CDH8: variants seen among roughly 807,000 people sequenced by gnomAD.
CDH8 encodes the protein cadherin 8, also known as cadherin-8.
CDH8 carries 17 observed loss-of-function variants against 68.1 expected under a neutral mutation model. That is an observed-to-expected ratio of 0.25 (90% confidence interval 0.17 to 0.37). CDH8 has a LOEUF of 0.37. CDH8 is among the 10% of genes least tolerant of loss of function. The probability of loss-of-function intolerance (pLI) is 1.00; values close to 1 mark genes in which losing one functional copy is unlikely to be tolerated. For synonymous variants in CDH8, 372 were observed against 365.1 expected (o/e 1.02, Z -0.21); for missense variants, 763 against 999.3 (o/e 0.76, Z 3.19).
intron 2 of CDH8, among the ~76,000 whole-genome samples, chr16:61,957,506 G>A (rs192529899): frequency 4.0e-4 from 61 of 152,172 alleles, no homozygotes; most frequent in Middle Eastern, 3.4e-3. Context: ...ATAGCCATTC[G>A]GCTCAGGTAC....
intron 11 of CDH8, 67 bp downstream of exon 11, chr16:61,655,403 G>GGTC: frequency 8.3e-6 from 12 of 1,441,802 alleles, no homozygotes; most frequent in South Asian, 5.7e-5. Flanking sequence ...AGAGTTTTCT[G>GGTC]TCCTTATTTA....
At position 61,652,018 on chromosome 16, in the gene CDH8, T is replaced by C. The variant is rs912981991; in HGVS notation, c.*1590A>G. 1 of 823,912 alleles carries C rather than the reference T, an allele frequency of 1.2e-6. No homozygotes were observed. The highest frequency in any genetic ancestry group is 1.5e-6 in the Non-Finnish European group (1 of 682,936). 51.0% of individuals were successfully genotyped at this position (823,912 alleles called of 1,614,324 possible). The stretch of plus-strand genomic sequence containing the variant: ...AAATTAATGACAACAAAGGTATTTA[T>C]AAAAATATATTTCACAAAGTAGGAA... On this transcript the variant is annotated 3_prime_UTR_variant, in exon 12 of 12. Coordinates refer to ENST00000577390, the MANE Select transcript of CDH8 (RefSeq NM_001796.5).
In CDH8 at chr16:61,957,318, GTCTA is replaced by G. The variant is rs141125123; in HGVS notation, c.253-55849_253-55846del. On this transcript the variant is annotated intron_variant, in intron 2 of 11. Transcript: ENST00000577390. ...AAATGTCTAAGCAAGACCACCTACA[GTCTA>G]TCTGATTGTTCCCTTCAAGGAAGCC... 8.1e-3 allele frequency among the ~76,000 whole-genome samples: 1,232 copies of G among 152,218 alleles called. 13 individuals are homozygous for G. The highest frequency in any genetic ancestry group is 0.027 in the Middle Eastern group (8 of 294).
chr16:61,869,593 G>T (rs985443646), intron 3 of CDH8, among the ~76,000 whole-genome samples: 2 of 151,946 alleles, frequency 1.3e-5, no homozygotes, highest in African/African-American at 4.8e-5. Flanking sequence ...TACAAAATTG[G>T]GTTTCATTTG....
chr16:61,996,000 T>A (rs758209043), intron 2 of CDH8, among the ~76,000 whole-genome samples: 1 of 152,190 alleles, frequency 6.6e-6, no homozygotes, highest in Non-Finnish European at 1.5e-5. Context: ...TGTTTTTAAA[T>A]CATGCTGAAA....
In CDH8 at chr16:62,002,930, G is replaced by C. The variant is rs573710194; in HGVS notation, c.252+18222C>G. 4.6e-5 allele frequency among the ~76,000 whole-genome samples: 7 copies of C among 152,294 alleles called. No homozygotes were observed. In the East Asian group the frequency reaches 1.2e-3, roughly 25 times the overall value. On this transcript the variant is annotated intron_variant, in intron 2 of 11. Coordinates refer to ENST00000577390, the MANE Select transcript of CDH8 (RefSeq NM_001796.5). ...TAGCTGGGCGTGGCGGCAGGCACCT[G>C]TAGTCCCAACTACTCGGGAAGCTGA...
At chr16:61,767,318 T>A (rs1456753046) in intron 8 of CDH8, among the ~76,000 whole-genome samples, 1 of 151,950 alleles carries the variant, frequency 6.6e-6, no homozygotes, top group Non-Finnish European at 1.5e-5. Context: ...AAGCACATTC[T>A]AATTATGAAT....
intron 7 of CDH8, among the ~76,000 whole-genome samples, chr16:61,807,914 G>C (rs566261575): frequency 6.6e-6 from 1 of 152,060 alleles, no homozygotes; most frequent in Non-Finnish European, 1.5e-5. Flanking sequence ...CTAACAAATG[G>C]CTTTCATTTC....
chr16:61,988,483 A>G (rs1965662915), intron 2 of CDH8, among the ~76,000 whole-genome samples: 1 of 152,302 alleles, frequency 6.6e-6, no homozygotes, highest in East Asian at 1.9e-4. Flanking sequence ...TAGTAATAAC[A>G]GTATAAAACC....
chr16:61,836,566 T>C (rs573426610), intron 4 of CDH8, among the ~76,000 whole-genome samples: 55 of 152,088 alleles, frequency 3.6e-4, no homozygotes, highest in African/African-American at 1.3e-3. Context: ...ACAGAGACAA[T>C]AATTGCTTCC....
intron 7 of CDH8, among the ~76,000 whole-genome samples, chr16:61,790,811 C>T (rs1961360137): frequency 6.6e-6 from 1 of 151,782 alleles, no homozygotes; most frequent in South Asian, 2.1e-4. Flanking sequence ...CCTATACCTA[C>T]CTATGAAGAT....
chr16:61,760,262 T>C (rs1960427312), intron 8 of CDH8, among the ~76,000 whole-genome samples: 1 of 151,876 alleles, frequency 6.6e-6, no homozygotes. Flanking sequence ...TGTTATGAGA[T>C]AAAATATATT....
intron 2 of CDH8, chr16:61,938,029 G>T (rs1033353702): frequency 3.9e-5 from 6 of 152,136 alleles, no homozygotes; most frequent in African/African-American, 1.4e-4. Context: ...TGCTTTAAAA[G>T]AGACAAATGG....
chr16:61,679,028 G>C (rs1170318722), intron 10 of CDH8, among the ~76,000 whole-genome samples: 1 of 152,054 alleles, frequency 6.6e-6, no homozygotes, highest in Non-Finnish European at 1.5e-5. Flanking sequence ...CAGTTGGACT[G>C]TACCCTTAGC....
chr16:61,936,025 C>T (rs185673849), intron 2 of CDH8, among the ~76,000 whole-genome samples: 1 of 152,212 alleles, frequency 6.6e-6, no homozygotes, highest in Admixed American at 6.5e-5. Flanking sequence ...TAGCTGTGTC[C>T]TTTAAAAAGT....
At chr16:61,728,340 C>T (rs1959436284) in intron 8 of CDH8, among the ~76,000 whole-genome samples, 1 of 150,662 alleles carries the variant, frequency 6.6e-6, no homozygotes, top group African/African-American at 2.4e-5. Flanking sequence ...TTGGTTTGCC[C>T]TGCTGGCTCT....
chr16:61,974,946 A>G (rs1392540136), intron 2 of CDH8, among the ~76,000 whole-genome samples: 1 of 152,204 alleles, frequency 6.6e-6, no homozygotes, highest in Non-Finnish European at 1.5e-5. Flanking sequence ...GTATTTTTAC[A>G]CTGAATGTGT....
At chr16:61,924,690 T>A (rs74948121) in intron 2 of CDH8, among the ~76,000 whole-genome samples, 6 of 151,986 alleles carry the variant, frequency 3.9e-5, no homozygotes, top group African/African-American at 4.8e-5. Flanking sequence ...TTTTTTTTTT[T>A]AAAAGAAACA....
intron 3 of CDH8, among the ~76,000 whole-genome samples, chr16:61,876,192 G>A (rs1963456672): frequency 1.3e-5 from 2 of 152,052 alleles, no homozygotes; most frequent in Non-Finnish European, 2.9e-5. Context: ...CTTTCTTTAG[G>A]ATGGTAAATT....
Sources: gnomAD v4.1 joint callset for allele counts (sites outside exome capture counted in the v4.1 genomes callset) on GRCh38, gnomAD v4.1.1 for gene constraint, MANE v1.5 for transcripts, NCBI Gene and HGNC (gene_info 2026-07-23, HGNC 2026-07-21) for gene names.